The following HPSE2 variants were observed in gnomAD, a reference collection of about 807,000 sequenced individuals.
HPSE2 encodes the protein inactive heparanase-2.
In HPSE2, 38 loss-of-function variants were observed where a neutral mutation model predicts 60.5. That is an observed-to-expected ratio of 0.63 (90% CI 0.48 to 0.82). The LOEUF (loss-of-function observed/expected upper bound fraction) is 0.82, where lower values mean the gene tolerates loss of function less well. Ranked by LOEUF, HPSE2 falls within the 40% of genes least tolerant of loss-of-function variation. The pLI is 0.00. For missense variants in HPSE2, 713 were observed against 740.4 expected (o/e 0.96, Z 0.43); for synonymous variants, 295 against 293.2 (o/e 1.01, Z -0.06).
At chr10:98,648,752 A>G (rs1416046859) in intron 6 of HPSE2, among the ~76,000 whole-genome samples, 1 of 152,198 alleles carries the variant, frequency 6.6e-6, no homozygotes, top group Non-Finnish European at 1.5e-5. Flanking sequence ...AAAAAAAATT[A>G]GAAAGCATTT....
Position 99,184,863 on chromosome 10 carries a change from G to GAGAGAGAGAC in HPSE2, c.449-40465_449-40464insGTCTCTCTCT, listed in dbSNP as rs796284708. Among the ~76,000 whole-genome samples, 4 of 106,476 alleles carry GAGAGAGAGAC rather than the reference G, an allele frequency of 3.8e-5. No homozygotes were observed. In the East Asian group the frequency reaches 9.9e-4, roughly 26 times the overall value. 69.9% of individuals were successfully genotyped at this position (106,476 alleles called of 152,430 possible). A position where few individuals can be genotyped will look rare whatever the true frequency, so the allele number is the denominator to read the frequency against. ...AGAGAGAGAGAGAGAGAGAGAGAGA[G>GAGAGAGAGAC]ACAGAAACACTGAAAAAATGATGTA... On this transcript the variant is annotated intron_variant, in intron 2 of 11. Coordinates refer to ENST00000370552, the MANE Select transcript of HPSE2 (RefSeq NM_021828.5).
intron 3 of HPSE2, among the ~76,000 whole-genome samples, chr10:99,111,275 A>C (rs1030958493): frequency 1.1e-4 from 17 of 152,082 alleles, no homozygotes; most frequent in African/African-American, 3.9e-4. Flanking sequence ...CTTCCTCTTT[A>C]GTATTGTGTT....
intron 3 of HPSE2, among the ~76,000 whole-genome samples, chr10:98,945,094 C>T (rs763797023): frequency 6.6e-6 from 1 of 152,230 alleles, no homozygotes; most frequent in African/African-American, 2.4e-5. Flanking sequence ...TAAGCCTTTG[C>T]AAATTGCTTT....
chr10:98,744,014 C>A lies in HPSE2; in HGVS notation c.653G>T (p.Gly218Val). 6.2e-7 allele frequency: 1 copy of A among 1,614,030 alleles called. No homozygotes were observed. Among genetic ancestry groups the A allele is most frequent in the Non-Finnish European group, 8.5e-7 (1 of 1,179,972 alleles). The stretch of plus-strand genomic sequence containing the variant: ...ATTTAGAGCAAATATCAGGTGGAGT[C>A]CAGAGCAATCAGCAAAGTTATAAAG... Reference protein sequence around the residue: ...DKLYNFADCSGLHLIFALNAL... With the variant: ...DKLYNFADCSVLHLIFALNAL... Residue 218 changes from glycine (G) to valine (V), a missense_variant, in exon 4 of 12, where the codon GGA becomes GTA. Transcript: ENST00000370552.
intron 2 of HPSE2, among the ~76,000 whole-genome samples, chr10:99,174,404 C>A (rs1847442082): frequency 6.6e-6 from 1 of 152,198 alleles, no homozygotes; most frequent in South Asian, 2.1e-4. Flanking sequence ...TCTATAGCTC[C>A]TATCATAGAG....
intron 9 of HPSE2, among the ~76,000 whole-genome samples, chr10:98,518,919 G>A (rs186860290): frequency 6.6e-6 from 1 of 152,040 alleles, no homozygotes; most frequent in Admixed American, 6.6e-5. Context: ...TAAATAATAG[G>A]GAAACAAGGT....
intron 2 of HPSE2, among the ~76,000 whole-genome samples, chr10:99,180,961 C>A: frequency 7.0e-6 from 1 of 143,814 alleles, no homozygotes; most frequent in African/African-American, 2.6e-5. Context: ...AACACTTTTA[C>A]ACTGTTGGTG....
chr10:99,202,640 A>C (rs1433455107), intron 2 of HPSE2, among the ~76,000 whole-genome samples: 3 of 152,152 alleles, frequency 2.0e-5, no homozygotes, highest in Non-Finnish European at 2.9e-5. Context: ...CCTGCTTAGT[A>C]GGGTAGTTGT....
At chr10:99,136,971 T>A (rs1351639623) in intron 3 of HPSE2, among the ~76,000 whole-genome samples, 3 of 152,188 alleles carry the variant, frequency 2.0e-5, no homozygotes, top group African/African-American at 4.8e-5. Context: ...GCAGATGACA[T>A]GATTGTATAT....
chr10:98,524,131 G>A (rs775052704), intron 9 of HPSE2, among the ~76,000 whole-genome samples: 2 of 152,124 alleles, frequency 1.3e-5, no homozygotes, highest in Non-Finnish European at 2.9e-5. Context: ...CCTGTGCTTG[G>A]CTTAATGCTC....
At chr10:98,567,213 A>G (rs519482) in intron 9 of HPSE2, among the ~76,000 whole-genome samples, 129,334 of 152,218 alleles carry the variant, frequency 0.85, 56,216 homozygotes, top group East Asian at 1. Flanking sequence ...GTGAGACAGG[A>G]TGAGGTGTAA....
chr10:98,910,757 T>C (rs1319475931), intron 3 of HPSE2, among the ~76,000 whole-genome samples: 1 of 152,196 alleles, frequency 6.6e-6, no homozygotes, highest in Non-Finnish European at 1.5e-5. Flanking sequence ...CTTGAACTCA[T>C]GTCGGCTGAT....
chr10:99,234,506 T>A (rs1849774740), intron 1 of HPSE2, among the ~76,000 whole-genome samples: 1 of 152,200 alleles, frequency 6.6e-6, no homozygotes, highest in Non-Finnish European at 1.5e-5. Flanking sequence ...TGTAGGGAAT[T>A]TTTAAAAACT....
At position 99,144,438 on chromosome 10, in the gene HPSE2, A is replaced by C. The variant is rs975817017; in HGVS notation, c.449-39T>G. ...GAAAGAAGGCAGGCAGCAAAAACTA[A>C]AACAAAACAAAAAATAATACATCAT... On this transcript the variant is annotated intron_variant, in intron 2 of 11. Coordinates refer to ENST00000370552, the MANE Select transcript of HPSE2 (RefSeq NM_021828.5). 1.0e-5 allele frequency: 16 copies of C among 1,605,444 alleles called. No individual in the cohort carries two copies. The African/African-American group carries it at 1.7e-4, about 17-fold the overall frequency.
At chr10:99,128,759 T>C (rs1424151595) in intron 3 of HPSE2, among the ~76,000 whole-genome samples, 2 of 152,068 alleles carry the variant, frequency 1.3e-5, no homozygotes, top group East Asian at 3.9e-4. Flanking sequence ...GATGGGTTGA[T>C]AGGCGCAGCA....
intron 3 of HPSE2, among the ~76,000 whole-genome samples, chr10:99,141,990 G>A (rs1487713939): frequency 6.6e-6 from 1 of 152,146 alleles, no homozygotes; most frequent in African/African-American, 2.4e-5. Context: ...ATAACTGGTG[G>A]GTAGAGGAGA....
chr10:98,485,831 G>T (rs1473543011), intron 10 of HPSE2, among the ~76,000 whole-genome samples: 1 of 152,148 alleles, frequency 6.6e-6, no homozygotes, highest in African/African-American at 2.4e-5. Context: ...CCACATGCTT[G>T]CATTTATGAG....
chr10:98,595,864 G>A (rs1422676389), intron 9 of HPSE2, among the ~76,000 whole-genome samples: 1 of 152,026 alleles, frequency 6.6e-6, no homozygotes, highest in South Asian at 2.1e-4. Flanking sequence ...CTATTGTTTT[G>A]CGATACATTC....
At chr10:98,470,104 T>G (rs892002411) in intron 11 of HPSE2, among the ~76,000 whole-genome samples, 2 of 146,162 alleles carry the variant, frequency 1.4e-5, no homozygotes, top group South Asian at 2.1e-4. Flanking sequence ...GGAAGGCAGG[T>G]GTGTGTGTGT....
Sources: gnomAD v4.1 joint callset for allele counts (sites outside exome capture counted in the v4.1 genomes callset) on GRCh38, gnomAD v4.1.1 for gene constraint, MANE v1.5 for transcripts, NCBI Gene and HGNC (gene_info 2026-07-23, HGNC 2026-07-21) for gene names.